Variants in CWH43 observed in about 807,000 individuals in gnomAD.
CWH43 encodes the protein PGAP2-interacting protein.
Under a neutral mutation model 85.7 loss-of-function variants are expected in CWH43, and 91 were observed. That is an observed-to-expected ratio of 1.06 (90% confidence interval 0.90 to 1.26). CWH43 has a LOEUF of 1.26. Among genes scored for constraint, CWH43 ranks in the 50% most tolerant of loss-of-function variants. The pLI is 0.00. For missense variants in CWH43, 869 were observed against 839.2 expected (o/e 1.04, Z -0.44); for synonymous variants, 323 against 293.6 (o/e 1.10, Z -1.02).
At chr4:49,055,165 G>T (rs1373073767) in intron 15 of CWH43, among the ~76,000 whole-genome samples, 2 of 152,008 alleles carry the variant, frequency 1.3e-5, no homozygotes, top group Admixed American at 1.3e-4. Flanking sequence ...CCTTTGTTAT[G>T]ATGAGGTCTA....
chr4:49,006,092 T>G (rs996021329), intron 7 of CWH43, among the ~76,000 whole-genome samples: 1 of 152,208 alleles, frequency 6.6e-6, no homozygotes, highest in African/African-American at 2.4e-5. Context: ...TTTCTTCTGA[T>G]TTATTTCAGG....
In CWH43 at chr4:48,994,703, G is replaced by A; in HGVS notation, c.596G>A (p.Gly199Glu). 1 of 1,614,198 alleles carries A rather than the reference G, an allele frequency of 6.2e-7. No individual in the cohort carries two copies. The highest frequency in any genetic ancestry group is 8.5e-7 in the Non-Finnish European group (1 of 1,180,038). ...TCTAGACCCAACTGGCTGCTGGCAGGGGCTGCTTTTGGTAGCCTTGTGTTC... is the reference window on the plus strand; with the variant it reads ...TCTAGACCCAACTGGCTGCTGGCAGAGGCTGCTTTTGGTAGCCTTGTGTTC... ...MASRPNWLLA[G>E]AAFGSLVFLT... is the part of the protein sequence containing the mutation. Residue 199 changes from glycine to glutamate, a missense_variant, in exon 5 of 16, where the codon GGG becomes GAG. By Grantham distance (98) the Gly-to-Glu change is moderately conservative (BLOSUM62 -2). Transcript: ENST00000226432.
chr4:48,998,502 A>T lies in CWH43; in HGVS notation c.756A>T (p.Pro252=), dbSNP rs1259752895. Residue 252 remains proline, a synonymous_variant, in exon 6 of 16, where the codon CCA becomes CCT. Coordinates refer to ENST00000226432, the MANE Select transcript of CWH43 (RefSeq NM_025087.3). ...GCTTGGCAAGTGGATTGATGCTTCC[A>T]TCTTGTTTGTGGTTTCGTGGTACTG... ...LLCLASGLML[P]SCLWFRGTGL... is the part of the protein sequence containing the mutation. 6.2e-7 allele frequency: 1 copy of T among 1,613,996 alleles called. No individual in the cohort carries two copies.
rs868498467 is a variant in CWH43, at chr4:49,013,448, C to G, written c.1187-3801C>G. Among the ~76,000 whole-genome samples, 25 of 152,234 alleles carry G rather than the reference C, an allele frequency of 1.6e-4. 1 individual carries two copies. Among genetic ancestry groups the G allele is most frequent in the African/African-American group, 5.3e-4 (22 of 41,462 alleles). On this transcript the variant is annotated intron_variant, in intron 8 of 15. Transcript: ENST00000226432. Reference sequence around the variant, plus strand: ...AAATCCTCTGGCCCCTTGCACTTCCCGGGTGAGGTGATGCCACGCCCTACT... The same window carrying G: ...AAATCCTCTGGCCCCTTGCACTTCCGGGGTGAGGTGATGCCACGCCCTACT...
rs1011527981 is a variant in CWH43, at chr4:49,040,369, A to C, written c.1803+2189A>C. ...TAGTTTACAGTCCCACCAACAGTGT[A>C]AAAGTGTTCCTATTTCTCCACATCC... On this transcript the variant is annotated intron_variant, in intron 13 of 15. Coordinates refer to ENST00000226432, the MANE Select transcript of CWH43 (RefSeq NM_025087.3). Among the ~76,000 whole-genome samples, 28 of 152,324 alleles carry C rather than the reference A, an allele frequency of 1.8e-4. No homozygotes were observed. The South Asian group carries it at 3.1e-3, about 17-fold the overall frequency.
intron 15 of CWH43, among the ~76,000 whole-genome samples, chr4:49,056,170 G>T (rs1400444299): frequency 8.1e-5 from 12 of 148,008 alleles, no homozygotes; most frequent in African/African-American, 3.0e-4. Flanking sequence ...GCGGTGTTTG[G>T]TTTTTTGTTC....
At position 49,039,916 on chromosome 4, in the gene CWH43, C is replaced by A. The variant is rs368730947; in HGVS notation, c.1803+1736C>A. Among the ~76,000 whole-genome samples, 5 of 152,054 alleles carry A rather than the reference C, an allele frequency of 3.3e-5. No individual in the cohort carries two copies. The East Asian group carries it at 9.7e-4, about 29-fold the overall frequency. ...CCCCGTCCCCACACCCCACAACAGT[C>A]TCCAGAGTGTGATGTTCCCCTTCCT... On this transcript the variant is annotated intron_variant, in intron 13 of 15. Coordinates refer to ENST00000226432, the MANE Select transcript of CWH43 (RefSeq NM_025087.3).
intron 7 of CWH43, among the ~76,000 whole-genome samples, chr4:49,005,669 T>C (rs1323273649): frequency 6.6e-6 from 1 of 151,456 alleles, no homozygotes; most frequent in Non-Finnish European, 1.5e-5. Flanking sequence ...ACCTCCCAAG[T>C]AGCTGGGTCT....
At chr4:49,011,401 C>T in intron 8 of CWH43, among the ~76,000 whole-genome samples, 1 of 152,136 alleles carries the variant, frequency 6.6e-6, no homozygotes, top group East Asian at 1.9e-4. Context: ...CTGAATACAG[C>T]ACAGTAATGG....
At chr4:49,041,419 T>A (rs1784458658) in intron 13 of CWH43, among the ~76,000 whole-genome samples, 1 of 152,164 alleles carries the variant, frequency 6.6e-6, no homozygotes, top group South Asian at 2.1e-4. Flanking sequence ...TTTTATTTCC[T>A]TGAGCAGTGG....
intron 12 of CWH43, among the ~76,000 whole-genome samples, chr4:49,033,008 G>A (rs1449217395): frequency 2.6e-5 from 4 of 152,074 alleles, no homozygotes; most frequent in Non-Finnish European, 5.9e-5. Context: ...CTCTGTGTAG[G>A]GTAAGCACTC....
At chr4:48,998,189 G>A (rs2109752471) in intron 5 of CWH43, among the ~76,000 whole-genome samples, 1 of 152,240 alleles carries the variant, frequency 6.6e-6, no homozygotes, top group African/African-American at 2.4e-5. Context: ...TGACCAACAT[G>A]GACTGTACTT....
intron 8 of CWH43, among the ~76,000 whole-genome samples, chr4:49,014,779 C>T (rs1783486038): frequency 6.6e-6 from 1 of 151,952 alleles, no homozygotes; most frequent in South Asian, 2.1e-4. Flanking sequence ...GAGATTTTTC[C>T]ATATGCCTCA....
At position 49,017,275 on chromosome 4, in the gene CWH43, TTGTTGGGATTAGGACTACGGCATAAAGC is replaced by T. The variant is rs1783580917; in HGVS notation, c.1214_1241del (p.Leu405SerfsTer34). On this transcript the variant is annotated frameshift_variant, in exon 9 of 16. Coordinates refer to ENST00000226432, the MANE Select transcript of CWH43 (RefSeq NM_025087.3). LOFTEE classifies it high-confidence loss of function. ...TCTGTGGCTGCTTGTTGGTGTGGGA[TTGTTGGGATTAGGACTACGGCATAAAGC>T]CTATGAGAGAAAACTGGGCAAAGTG... is the stretch of plus-strand genomic sequence containing the variant. 1 of 1,612,018 alleles carries T rather than the reference TTGTTGGGATTAGGACTACGGCATAAAGC, an allele frequency of 6.2e-7. No individual in the cohort carries two copies. The highest frequency in any genetic ancestry group is 1.3e-5 in the African/African-American group (1 of 74,878).
At chr4:48,995,535 T>C (rs1267435396) in intron 5 of CWH43, among the ~76,000 whole-genome samples, 1 of 152,222 alleles carries the variant, frequency 6.6e-6, no homozygotes, top group Non-Finnish European at 1.5e-5. Flanking sequence ...ATTGAAGGCA[T>C]GCAGCTGCCT....
chr4:48,992,917 G>A lies in CWH43; in HGVS notation c.511+827G>A, dbSNP rs1447221548. On this transcript the variant is annotated intron_variant, in intron 4 of 15. Coordinates refer to ENST00000226432, the MANE Select transcript of CWH43 (RefSeq NM_025087.3). This position sits in a 1 kb window ranked among gnomAD's most constrained non-coding sequence, Gnocchi z 4.3. ...GAAATTATGTCAGTAAATTGGCCTT[G>A]TGATGTTAATAGTAGAAGACTTAGA... Among the ~76,000 whole-genome samples the A allele has an allele frequency of 6.6e-6, 1 of 152,194 alleles. No homozygotes were observed. The highest frequency in any genetic ancestry group is 1.9e-4 in the East Asian group (1 of 5,200).
chr4:49,043,643 T>C (rs1405759863), intron 13 of CWH43, among the ~76,000 whole-genome samples: 1 of 152,186 alleles, frequency 6.6e-6, no homozygotes. Context: ...GTCTTAAAAC[T>C]TTATAGCATC....
intron 15 of CWH43, among the ~76,000 whole-genome samples, chr4:49,056,301 G>A (rs1463250608): frequency 1.3e-5 from 2 of 152,020 alleles, no homozygotes; most frequent in Admixed American, 6.5e-5. Flanking sequence ...TTGGGTCTGG[G>A]CTTTTTGCTT....
At chr4:49,058,537 T>G (rs1372315519) in intron 15 of CWH43, among the ~76,000 whole-genome samples, 2 of 152,248 alleles carry the variant, frequency 1.3e-5, no homozygotes, top group Non-Finnish European at 2.9e-5. Context: ...TTTCTGAATT[T>G]GATTCTATTA....
Sources: gnomAD v4.1 joint callset for allele counts (sites outside exome capture counted in the v4.1 genomes callset) on GRCh38, gnomAD v4.1.1 for gene constraint, Gnocchi (gnomAD v3.1) non-coding constraint, MANE v1.5 for transcripts, NCBI Gene and HGNC (gene_info 2026-07-23, HGNC 2026-07-21) for gene names.